The following KHDRBS2 variants were observed in gnomAD, a reference collection of about 807,000 sequenced individuals.
KHDRBS2 encodes the protein KH domain-containing, RNA-binding, signal transduction-associated protein 2.
In KHDRBS2, 26 loss-of-function variants were observed where a neutral mutation model predicts 44.3. The observed-to-expected ratio is 0.59, with a 90% confidence interval of 0.43 to 0.81. The LOEUF is 0.81. KHDRBS2 is among the 40% of genes least tolerant of loss of function. The pLI is 0.00. For synonymous variants in KHDRBS2, 194 were observed against 151.1 expected (o/e 1.28, Z -2.08); for missense variants, 476 against 433.1 (o/e 1.10, Z -0.88).
chr6:61,635,696 G>A, the KHDRBS2 span, among the ~76,000 whole-genome samples: 1 of 151,814 alleles, frequency 6.6e-6, no homozygotes, highest in African/African-American at 2.4e-5. Context: ...GAACAGAAAA[G>A]GTGTTCTTTA....
At chr6:61,848,500 T>TAC (rs1243234631) in intron 6 of KHDRBS2, among the ~76,000 whole-genome samples, 9 of 55,438 alleles carry the variant, frequency 1.6e-4, no homozygotes, top group African/African-American at 3.3e-4. Context: ...TGTATATATA[T>TAC]ATATATATAT....
chr6:61,819,097 T>C (rs2127249335), intron 6 of KHDRBS2, among the ~76,000 whole-genome samples: 1 of 152,132 alleles, frequency 6.6e-6, no homozygotes, highest in African/African-American at 2.4e-5. Flanking sequence ...AAATGCTTAT[T>C]TTAGCTATAA....
chr6:61,613,708 G>A, the KHDRBS2 span, among the ~76,000 whole-genome samples: 1 of 152,088 alleles, frequency 6.6e-6, no homozygotes, highest in African/African-American at 2.4e-5. Flanking sequence ...TAATTCTACT[G>A]AATAATGCAA....
At chr6:62,073,530 C>CTTTTTTTTTTTTT (rs60124030) in intron 2 of KHDRBS2, among the ~76,000 whole-genome samples, 126 of 124,310 alleles carry the variant, frequency 1.0e-3, no homozygotes, top group South Asian at 1.5e-3. Context: ...TTTCTTTTTT[C>CTTTTTTTTTTTTT]TTTTTTTTTT....
intron 1 of KHDRBS2, among the ~76,000 whole-genome samples, chr6:62,217,003 C>G (rs1830115678): frequency 6.9e-6 from 1 of 145,310 alleles, no homozygotes; most frequent in Non-Finnish European, 1.5e-5. Flanking sequence ...GTCTTTATAT[C>G]TTCTCAGAAA....
chr6:62,182,273 G>A (rs1043164988), intron 1 of KHDRBS2, among the ~76,000 whole-genome samples: 2 of 151,990 alleles, frequency 1.3e-5, no homozygotes, highest in Non-Finnish European at 1.5e-5. Flanking sequence ...CAAACTCATA[G>A]AAGCAAGAAG....
At chr6:62,251,177 T>C (rs1259774904) in intron 1 of KHDRBS2, among the ~76,000 whole-genome samples, 1 of 151,882 alleles carries the variant, frequency 6.6e-6, no homozygotes, top group Non-Finnish European at 1.5e-5. Context: ...TATTCTTGAA[T>C]ATAACTATAA....
chr6:61,988,594 C>T (rs757994409), intron 3 of KHDRBS2, among the ~76,000 whole-genome samples: 2 of 152,114 alleles, frequency 1.3e-5, no homozygotes, highest in Non-Finnish European at 2.9e-5. Context: ...AACTGGCACT[C>T]AGAGATCTCT....
rs59518436 is a variant in KHDRBS2, at chr6:61,869,964, G to GTTTTTTTTT, written c.810+24662_810+24670dup. 2.2e-4 allele frequency among the ~76,000 whole-genome samples: 24 copies of GTTTTTTTTT among 109,014 alleles called. 1 individual carries two copies. Among genetic ancestry groups the GTTTTTTTTT allele is most frequent in the African/African-American group, 9.1e-4 (24 of 26,422 alleles). 71.5% of individuals were successfully genotyped at this position (109,014 alleles called of 152,430 possible). The stretch of plus-strand genomic sequence containing the variant: ...TAGACACCGAACTAGCTGCAGGAGT[G>GTTTTTTTTT]TTTTTTTTTTTTTTTTTTTTTTTCC... On this transcript the variant is annotated intron_variant, in intron 6 of 8. Coordinates refer to ENST00000281156, the MANE Select transcript of KHDRBS2 (RefSeq NM_152688.4).
intron 3 of KHDRBS2, among the ~76,000 whole-genome samples, chr6:61,998,087 G>A (rs2127256058): frequency 1.3e-5 from 2 of 152,120 alleles, no homozygotes; most frequent in African/African-American, 2.4e-5. Context: ...TACTTATTGT[G>A]CACACAGTGG....
At chr6:61,555,060 G>T in the KHDRBS2 span, among the ~76,000 whole-genome samples, 3 of 152,092 alleles carry the variant, frequency 2.0e-5, no homozygotes, top group African/African-American at 4.8e-5. Flanking sequence ...ATTTAGTAAG[G>T]TTGGGGAAAT....
intron 6 of KHDRBS2, among the ~76,000 whole-genome samples, chr6:61,847,660 C>T (rs1169045202): frequency 3.3e-5 from 5 of 152,044 alleles, no homozygotes; most frequent in Non-Finnish European, 5.9e-5. Flanking sequence ...TTTGTAATCT[C>T]CTAGTGGATT....
At chr6:61,936,322 A>G (rs539238642) in intron 4 of KHDRBS2, among the ~76,000 whole-genome samples, 20 of 152,086 alleles carry the variant, frequency 1.3e-4, no homozygotes, top group Non-Finnish European at 2.9e-4. Context: ...GCTTCAAAAT[A>G]TTCCAACAAA....
downstream of KHDRBS2, among the ~76,000 whole-genome samples, chr6:61,675,227 T>G (rs1292065029): frequency 6.6e-6 from 1 of 151,744 alleles, no homozygotes; most frequent in Non-Finnish European, 1.5e-5. Flanking sequence ...AGTCTATATA[T>G]TTTCATGTAA....
intron 2 of KHDRBS2, among the ~76,000 whole-genome samples, chr6:62,101,492 G>A (rs1342083520): frequency 1.3e-5 from 2 of 152,166 alleles, no homozygotes; most frequent in Admixed American, 1.3e-4. Flanking sequence ...AAGGTACAAG[G>A]AGGAAAGCAA....
the KHDRBS2 span, among the ~76,000 whole-genome samples, chr6:61,574,917 A>G: frequency 6.6e-6 from 1 of 152,144 alleles, no homozygotes; most frequent in African/African-American, 2.4e-5. Flanking sequence ...TCAAAAAAAG[A>G]GAAAAGAATG....
chr6:61,638,892 G>T, the KHDRBS2 span, among the ~76,000 whole-genome samples: 7 of 151,998 alleles, frequency 4.6e-5, no homozygotes, highest in Admixed American at 3.9e-4. Context: ...GTGTCGAGTT[G>T]TTGTTGTTGT....
intron 6 of KHDRBS2, among the ~76,000 whole-genome samples, chr6:61,795,478 T>TAA (rs58559963): frequency 0.029 from 4,228 of 147,484 alleles, 213 homozygotes; most frequent in African/African-American, 0.1. Flanking sequence ...TTGCACATCT[T>TAA]AAAAAAAAAA....
At chr6:61,763,178 G>A (rs1779521896) in intron 6 of KHDRBS2, among the ~76,000 whole-genome samples, 1 of 152,208 alleles carries the variant, frequency 6.6e-6, no homozygotes, top group African/African-American at 2.4e-5. Flanking sequence ...TCTGCTAGAC[G>A]TGGGGAGTGG....
Sources: allele counts gnomAD v4.1 joint callset (sites outside exome capture counted in the v4.1 genomes callset), GRCh38; gene constraint gnomAD v4.1.1; transcripts MANE v1.5; gene names NCBI Gene and HGNC (gene_info 2026-07-23, HGNC 2026-07-21).